Variants in DFFA observed in about 807,000 individuals in gnomAD.
The protein encoded by DFFA is DFF45.
DFFA carries 14 observed loss-of-function variants against 28.0 expected under a neutral mutation model. The observed-to-expected ratio is 0.50, with a 90% CI of 0.33 to 0.78. The LOEUF is 0.78. DFFA is among the 30% of genes least tolerant of loss of function. The pLI, the probability that DFFA is intolerant of heterozygous loss-of-function variation, is 0.02. For synonymous variants in DFFA, 158 were observed against 170.3 expected (o/e 0.93, Z 0.56); for missense variants, 395 against 407.1 (o/e 0.97, Z 0.26).
At chr1:10,463,014 G>A (rs1308376686) in intron 5 of DFFA, 44 bp downstream of exon 5, 2 of 1,612,162 alleles carry the variant, frequency 1.2e-6, no homozygotes, top group South Asian at 1.1e-5. Flanking sequence ...TACATCCCAG[G>A]GCATGTCCTC....
intron 2 of DFFA, 114 bp downstream of exon 2, chr1:10,469,063 C>T: frequency 1.8e-6 from 2 of 1,137,854 alleles, no homozygotes; most frequent in Non-Finnish European, 2.6e-6. Flanking sequence ...CAGTAAATAT[C>T]TGTTGAACAA....
At position 10,469,187 on chromosome 1, in the gene DFFA, G is replaced by T; in HGVS notation, c.288C>A (p.Tyr96Ter). 6.2e-7 allele frequency: 1 copy of T among 1,614,082 alleles called. No homozygotes were observed. The highest frequency in any genetic ancestry group is 8.5e-7 in the Non-Finnish European group (1 of 1,179,982). ...GCTAGAGTTTCTTACCTGAATTGTT[G>T]TATGCCCATTTCTCATTACTAGCCA... ...VALASNEKWA[Y>*]NNSDGGTAWI... The change falls in exon 2 of 6, where the codon TAC (tyrosine) becomes TAA (stop). Residue 96 changes from tyrosine (Y) to a stop codon, truncating the protein, a stop_gained. Transcript: ENST00000377038. LOFTEE classifies it high-confidence loss of function.
Position 10,463,535 on chromosome 1 carries a change from T to TG in DFFA, c.526dup (p.Gln176ProfsTer5), listed in dbSNP as rs755703182. On this transcript the variant is annotated frameshift_variant, in exon 4 of 6. Transcript: ENST00000377038. LOFTEE classifies it high-confidence loss of function. ...TTCCTCTCTTTGGTCAAGCACCTGT[T>TG]GGAGTGTGTGCTGCAGCCGCTGGAC... 2 of 1,614,212 alleles carry TG rather than the reference T, an allele frequency of 1.2e-6. No individual in the cohort carries two copies. The highest frequency in any genetic ancestry group is 3.3e-5 in the Admixed American group (2 of 60,008).
intron 1 of DFFA, among the ~76,000 whole-genome samples, chr1:10,470,422 CTT>C (rs59658414): frequency 0.016 from 1,669 of 107,284 alleles, 27 homozygotes; most frequent in African/African-American, 0.053. Context: ...CAGTTTTCCT[CTT>C]TTTTTTTTTT....
At chr1:10,466,208 G>T (rs1641020158) in intron 3 of DFFA, among the ~76,000 whole-genome samples, 1 of 151,974 alleles carries the variant, frequency 6.6e-6, no homozygotes, top group African/African-American at 2.4e-5. Context: ...TTTTGAGATG[G>T]AGTCTCTCTC....
Position 10,461,482 on chromosome 1 carries a change from C to T in DFFA, c.*8G>A, listed in dbSNP as rs760634852. 69 of 1,611,626 alleles carry T rather than the reference C, an allele frequency of 4.3e-5. No individual in the cohort carries two copies. Among genetic ancestry groups the T allele is most frequent in the South Asian group, 5.5e-5 (5 of 90,716 alleles). On this transcript the variant is annotated 3_prime_UTR_variant, in exon 6 of 6. Coordinates refer to ENST00000377038, the MANE Select transcript of DFFA (RefSeq NM_004401.3). Reference sequence around the variant, plus strand: ...CACAGAGCTTCCTTGGCACACTTCCCGCTGCTGCTATGTGGGATCCTGTCT... The same window carrying T: ...CACAGAGCTTCCTTGGCACACTTCCTGCTGCTGCTATGTGGGATCCTGTCT...
chr1:10,472,383 T>A lies in DFFA; in HGVS notation c.76A>T (p.Asn26Tyr), dbSNP rs1210611007. The change falls in exon 1 of 6, where the codon AAC becomes TAC. Residue 26 changes from asparagine to tyrosine, a missense_variant. By Grantham distance (143) the Asn-to-Tyr change is moderately radical. Transcript: ENST00000377038. The surrounding 1 kb of genome is among the most constrained non-coding windows in gnomAD (Gnocchi z 5.0). ...ACGCCGTGCTGTTCGCGGCTGTAGTTGCGGCGCAGCAGACACGGCTTTAGA... is the reference window on the plus strand; with the variant it reads ...ACGCCGTGCTGTTCGCGGCTGTAGTAGCGGCGCAGCAGACACGGCTTTAGA... Reference protein sequence around the residue: ...RTLKPCLLRRNYSREQHGVAA... With the variant: ...RTLKPCLLRRYYSREQHGVAA... 4 of 1,612,284 alleles carry A rather than the reference T, an allele frequency of 2.5e-6. No homozygotes were observed. In the African/African-American group the frequency reaches 4.0e-5, roughly 16 times the overall value.
At chr1:10,470,589 T>C (rs1230336175) in intron 1 of DFFA, among the ~76,000 whole-genome samples, 1 of 150,684 alleles carries the variant, frequency 6.6e-6, no homozygotes, top group Admixed American at 6.6e-5. Flanking sequence ...CACGCCCGGC[T>C]AATTTTTTTG....
rs1557791974 is a variant in DFFA at position 10,461,575 on chromosome 1, TGCAAGCTCTGC to T, written c.900_910del (p.Gln301PhefsTer15). 1 of 1,614,234 alleles carries T rather than the reference TGCAAGCTCTGC, an allele frequency of 6.2e-7. No homozygotes were observed. The highest frequency in any genetic ancestry group is 8.5e-7 in the Non-Finnish European group (1 of 1,180,038). On this transcript the variant is annotated frameshift_variant, in exon 6 of 6. Transcript: ENST00000377038. LOFTEE classifies it low-confidence loss of function (END_TRUNC). ...GCTTGCTGAGATGCTCCGGAGAGAATGCAAGCTCTGCGTCTGCTGCAGGCGCAGGGCGAGCT... is the reference window on the plus strand; with the variant it reads ...GCTTGCTGAGATGCTCCGGAGAGAATGTCTGCTGCAGGCGCAGGGCGAGCT...
At chr1:10,462,932 G>A in intron 5 of DFFA, 126 bp downstream of exon 5, 3 of 1,506,790 alleles carry the variant, frequency 2.0e-6, no homozygotes, top group Non-Finnish European at 2.7e-6. Flanking sequence ...CATATAATAG[G>A]CAAACTGGCA....
chr1:10,461,348 A>G lies in DFFA; in HGVS notation c.*142T>C, dbSNP rs1640933613. On this transcript the variant is annotated 3_prime_UTR_variant, in exon 6 of 6. Transcript: ENST00000377038. ...AAAAAAAAAATTGGTGGAACGGCGT[A>G]TGTTGAGACCTGGAATAGCTTCTCT... 7.2e-7 allele frequency: 1 copy of G among 1,396,516 alleles called. No individual in the cohort carries two copies. Among genetic ancestry groups the G allele is most frequent in the Admixed American group, 2.8e-5 (1 of 35,092 alleles). The allele number at this position is 1,396,516 out of a possible 1,614,324, so 86.5% of individuals were successfully genotyped here.
Position 10,467,294 on chromosome 1 carries a change from C to T in DFFA, c.337G>A (p.Val113Ile). Residue 113 changes from valine (V) to isoleucine (I), a missense_variant, in exon 3 of 6, where the codon GTA becomes ATA. Coordinates refer to ENST00000377038, the MANE Select transcript of DFFA (RefSeq NM_004401.3). ...CCTGCCCCGCTGTCTGTTTCATCTA[C>T]ATCAAAGGACTCTTGGGAAATCCAA... ...TAWISQESFDVDETDSGAGLK... is the reference protein window; with the variant it reads ...TAWISQESFDIDETDSGAGLK... 4.3e-6 allele frequency: 7 copies of T among 1,614,128 alleles called. No homozygotes were observed. Among genetic ancestry groups the T allele is most frequent in the Non-Finnish European group, 5.9e-6 (7 of 1,180,032 alleles).
chr1:10,471,049 T>G (rs1641090937), intron 1 of DFFA, among the ~76,000 whole-genome samples: 1 of 117,358 alleles, frequency 8.5e-6, no homozygotes, highest in Admixed American at 1.1e-4. Context: ...GGTGACAGAG[T>G]GACACTCCGT....
rs1640877184 is a variant in DFFA at position 10,457,529 on chromosome 1, T to C, written c.*3961A>G. On this transcript the variant is annotated 3_prime_UTR_variant, in exon 6 of 6. Transcript: ENST00000377038. ...GTCTACTAAAAATACCAAAAAAAAC[T>C]TAGCCGGGTGTGGTGGCGGGCACCT... is the stretch of plus-strand genomic sequence containing the variant. 6.6e-6 allele frequency: 1 copy of C among 152,008 alleles called. No homozygotes were observed. The highest frequency in any genetic ancestry group is 6.6e-5 in the Admixed American group (1 of 15,210). 9.4% of individuals were successfully genotyped at this position (152,008 alleles called of 1,614,324 possible).
intron 3 of DFFA, among the ~76,000 whole-genome samples, chr1:10,466,252 C>T (rs1167456548): frequency 2.6e-5 from 4 of 152,188 alleles, no homozygotes; most frequent in South Asian, 2.1e-4. Flanking sequence ...GGTGCGATCT[C>T]GGCTCACTGC....
intron 1 of DFFA, among the ~76,000 whole-genome samples, chr1:10,469,947 C>G (rs1316710317): frequency 6.6e-6 from 1 of 150,948 alleles, no homozygotes; most frequent in African/African-American, 2.4e-5. Flanking sequence ...TCCCGAGTAG[C>G]TGGGACTACA....
chr1:10,461,980 G>T, intron 5 of DFFA: 1 of 475,822 alleles, frequency 2.1e-6, no homozygotes, highest in Non-Finnish European at 2.7e-6. Context: ...TCAGCCCCCT[G>T]AGTAGCTGGG....
chr1:10,469,427 C>G, intron 1 of DFFA, 89 bp from the exon 2 acceptor site: 1 of 1,124,850 alleles, frequency 8.9e-7, no homozygotes, highest in South Asian at 1.5e-5. Flanking sequence ...GGCTCCAGAG[C>G]TGAGCAGAAC....
chr1:10,468,956 C>T (rs1296962145), intron 2 of DFFA, among the ~76,000 whole-genome samples: 2 of 152,140 alleles, frequency 1.3e-5, no homozygotes, highest in African/African-American at 4.8e-5. Context: ...CCAGGCTGGT[C>T]TCAAACTCCT....
Sources: allele counts gnomAD v4.1 joint callset (sites outside exome capture counted in the v4.1 genomes callset), GRCh38; gene constraint gnomAD v4.1.1; non-coding constraint Gnocchi (gnomAD v3.1); transcripts MANE v1.5; gene names NCBI Gene and HGNC (gene_info 2026-07-23, HGNC 2026-07-21).